Variants in AAK1 observed in about 807,000 individuals in gnomAD.
AAK1 encodes AP2 associated kinase 1.
In AAK1, 37 loss-of-function variants were observed where a neutral mutation model predicts 116.0. That is an observed-to-expected ratio of 0.32 (90% CI 0.25 to 0.42). The LOEUF (loss-of-function observed/expected upper bound fraction) is 0.42. AAK1 is among the 10% of genes least tolerant of loss of function. The pLI, the probability that AAK1 is intolerant of heterozygous loss-of-function variation, is 1.00. For synonymous variants in AAK1, 458 were observed against 439.9 expected (o/e 1.04, Z -0.51); for missense variants, 919 against 1,170.6 (o/e 0.79, Z 3.14).
intron 2 of AAK1, among the ~76,000 whole-genome samples, chr2:69,562,662 C>T (rs1011901223): frequency 1.3e-5 from 2 of 152,112 alleles, no homozygotes; most frequent in African/African-American, 2.4e-5. Flanking sequence ...GAGGTCGAGG[C>T]GGGCAGATCA....
At chr2:69,638,434 G>A (rs978852954) in intron 2 of AAK1, among the ~76,000 whole-genome samples, 2 of 152,106 alleles carry the variant, frequency 1.3e-5, no homozygotes, top group Admixed American at 1.3e-4. Context: ...CAATTGGCAC[G>A]GGGCTGAGGC....
intron 2 of AAK1, among the ~76,000 whole-genome samples, chr2:69,628,184 G>A (rs895159623): frequency 1.3e-5 from 2 of 152,124 alleles, no homozygotes; most frequent in African/African-American, 4.8e-5. Flanking sequence ...GGTGGCTCAC[G>A]CCTGTAATCC....
At chr2:69,559,275 C>T (rs992678829) in intron 2 of AAK1, among the ~76,000 whole-genome samples, 1 of 126,466 alleles carries the variant, frequency 7.9e-6, no homozygotes, top group Non-Finnish European at 1.7e-5. Context: ...CACACACACA[C>T]ACACACACAC....
Position 69,475,837 on chromosome 2 carries a change from G to A in AAK1, c.*32C>T, listed in dbSNP as rs770453373. On this transcript the variant is annotated 3_prime_UTR_variant, in exon 22 of 22. Transcript: ENST00000409085. Reference sequence around the variant, plus strand: ...TGAAAATGTATTTTACGGTATGAAGGTTACAGAACTGCATCTGCTACTGGG... The same window carrying A: ...TGAAAATGTATTTTACGGTATGAAGATTACAGAACTGCATCTGCTACTGGG... The A allele has an allele frequency of 6.3e-7, 1 of 1,595,158 alleles. No individual in the cohort carries two copies. Among genetic ancestry groups the A allele is most frequent in the South Asian group, 1.1e-5 (1 of 87,814 alleles).
Position 69,467,611 on chromosome 2 carries a change from C to T in AAK1, c.*8258G>A. On this transcript the variant is annotated 3_prime_UTR_variant, in exon 22 of 22. Transcript: ENST00000409085. The stretch of plus-strand genomic sequence containing the variant: ...CCCACCAGGATAAGAATATTAGATA[C>T]AATGATTTGGAGCCATAGATGACCC... The T allele has an allele frequency of 3.0e-6, 3 of 985,328 alleles. No homozygotes were observed. The highest frequency in any genetic ancestry group is 3.6e-6 in the Non-Finnish European group (3 of 829,856). The allele number at this position is 985,328 out of a possible 1,614,324, so 61.0% of individuals were successfully genotyped here.
chr2:69,574,875 A>G (rs1269421977), intron 2 of AAK1, among the ~76,000 whole-genome samples: 2 of 151,860 alleles, frequency 1.3e-5, no homozygotes, highest in African/African-American at 4.8e-5. Flanking sequence ...AAACAGGAGG[A>G]TCACTTGAGC....
At chr2:69,480,706 A>G (rs1675053819) in intron 19 of AAK1, among the ~76,000 whole-genome samples, 154 bp downstream of exon 19, 1 of 151,888 alleles carries the variant, frequency 6.6e-6, no homozygotes, top group Non-Finnish European at 1.5e-5. Context: ...CTCAACATCT[A>G]GAAGCCGGGG....
At chr2:69,547,763 A>G (rs1431964713) in intron 3 of AAK1, among the ~76,000 whole-genome samples, 1 of 152,208 alleles carries the variant, frequency 6.6e-6, no homozygotes, top group Non-Finnish European at 1.5e-5. Context: ...AAAATATTAT[A>G]GGCACACAAA....
intron 2 of AAK1, among the ~76,000 whole-genome samples, chr2:69,581,666 T>C (rs72895365): frequency 0.019 from 2,849 of 152,198 alleles, 77 homozygotes; most frequent in African/African-American, 0.064. Context: ...GCAAAACACT[T>C]TCTTTAGGTT....
intron 2 of AAK1, chr2:69,594,748 T>C: frequency 1.2e-6 from 1 of 808,086 alleles, no homozygotes; most frequent in Non-Finnish European, 2.1e-6. Context: ...CACTTAGAAC[T>C]GGATCACTTA....
At chr2:69,628,127 G>A (rs976509425) in intron 2 of AAK1, among the ~76,000 whole-genome samples, 1 of 152,178 alleles carries the variant, frequency 6.6e-6, no homozygotes, top group Admixed American at 6.5e-5. Context: ...ACCATACGTA[G>A]GCCAAGGTTA....
intron 2 of AAK1, chr2:69,597,962 T>G: frequency 9.7e-5 from 28 of 289,886 alleles, no homozygotes; most frequent in East Asian, 2.8e-4. Context: ...TGGAGTTACT[T>G]GAGATGAAAA....
intron 11 of AAK1, 104 bp from the exon 12 acceptor site, chr2:69,519,344 T>A: frequency 7.1e-7 from 1 of 1,412,982 alleles, no homozygotes; most frequent in Non-Finnish European, 9.3e-7. Flanking sequence ...GTGTGCAGAG[T>A]ATCTCAAGAT....
At chr2:69,557,752 T>C (rs755832380) in intron 2 of AAK1, among the ~76,000 whole-genome samples, 27 of 152,200 alleles carry the variant, frequency 1.8e-4, no homozygotes, top group Admixed American at 1.6e-3. Context: ...GAGCACACTT[T>C]CCCTCATACC....
intron 17 of AAK1, among the ~76,000 whole-genome samples, chr2:69,488,554 C>G (rs1675392591): frequency 6.6e-6 from 1 of 152,018 alleles, no homozygotes. Context: ...GTGTATTTAT[C>G]AGAATTAATG....
rs530967388 is a variant in AAK1, at chr2:69,635,297, G to A, written c.163+7581C>T. Among the ~76,000 whole-genome samples, 6 of 152,326 alleles carry A rather than the reference G, an allele frequency of 3.9e-5. No individual in the cohort carries two copies. In the South Asian group the frequency reaches 1.2e-3, roughly 32 times the overall value. On this transcript the variant is annotated intron_variant, in intron 2 of 21. Transcript: ENST00000409085. ...GCCACTGTCACAAAACAGAAAACAA[G>A]TGTCGGTGAGAATGAGGAATAACTG...
intron 19 of AAK1, 34 bp from the exon 20 acceptor site, chr2:69,479,095 A>G: frequency 7.0e-7 from 1 of 1,438,312 alleles, no homozygotes. Context: ...CAGGTCAGTG[A>G]TGGCATTAAG....
rs759448586 is a variant in AAK1 at position 69,520,835 on chromosome 2, T to A, written c.1209A>T (p.Ala403=). Residue 403 remains alanine (A), a splice_region_variant and synonymous_variant, in exon 11 of 22, where the codon GCA becomes GCT. Coordinates refer to ENST00000409085, the MANE Select transcript of AAK1 (RefSeq NM_014911.5). Reference sequence around the variant, plus strand: ...TTTCAAACCAATCTAGATACAAACCTGCAGCCTGAGGTGGGGGCTGAACAG... The same window carrying A: ...TTTCAAACCAATCTAGATACAAACCAGCAGCCTGAGGTGGGGGCTGAACAG... ...RATVQPPPQA[A]GSSNQPGLLA... The A allele has an allele frequency of 1.6e-5, 25 of 1,545,862 alleles. No individual in the cohort carries two copies. The South Asian group carries it at 2.8e-4, about 17-fold the overall frequency.
At chr2:69,581,747 T>G (rs1326846660) in intron 2 of AAK1, among the ~76,000 whole-genome samples, 2 of 152,086 alleles carry the variant, frequency 1.3e-5, no homozygotes, top group African/African-American at 4.8e-5. Context: ...GAGGCTGAAG[T>G]GGGAAGATCA....
Sources: gnomAD v4.1 joint callset for allele counts (sites outside exome capture counted in the v4.1 genomes callset) on GRCh38, gnomAD v4.1.1 for gene constraint, MANE v1.5 for transcripts, NCBI Gene and HGNC (gene_info 2026-07-23, HGNC 2026-07-21) for gene names.